OCA2: variants seen among roughly 807,000 people sequenced by gnomAD.
OCA2 encodes P protein.
A neutral mutation model predicts 100.2 loss-of-function variants in OCA2; 77 were observed. The observed-to-expected ratio is 0.77, with a 90% CI of 0.64 to 0.93. OCA2 has a LOEUF of 0.93. Ranked by LOEUF, OCA2 falls within the 40% of genes least tolerant of loss-of-function variation. The pLI, the probability that OCA2 is intolerant of heterozygous loss-of-function variation, is 0.00. For missense variants in OCA2, 1,062 were observed against 1,089.1 expected (o/e 0.98, Z 0.35); for synonymous variants, 432 against 439.2 (o/e 0.98, Z 0.21).
chr15:27,767,116 T>C (rs1025004947), intron 23 of OCA2, among the ~76,000 whole-genome samples: 3 of 152,176 alleles, frequency 2.0e-5, no homozygotes, highest in African/African-American at 2.4e-5. Flanking sequence ...TTGGGCCCTG[T>C]ACTTTTAACC....
intron 11 of OCA2, among the ~76,000 whole-genome samples, chr15:27,987,139 T>C (rs1174779709): frequency 2.0e-5 from 3 of 152,138 alleles, no homozygotes; most frequent in Admixed American, 2.0e-4. Context: ...TTGTCACCAA[T>C]TTGAGAGTTT....
chr15:27,851,489 G>T lies in OCA2; in HGVS notation c.2245-14C>A. ...GAGCACGGGAATCTGTGGAGGAAGA[G>T]GACATTGATGCCACGTCCCATGGAC... On this transcript the variant is annotated splice_polypyrimidine_tract_variant and intron_variant, in intron 21 of 23. Coordinates refer to ENST00000354638, the MANE Select transcript of OCA2 (RefSeq NM_000275.3). 1 of 1,605,244 alleles carries T rather than the reference G, an allele frequency of 6.2e-7. No individual in the cohort carries two copies. Among genetic ancestry groups the T allele is most frequent in the Non-Finnish European group, 8.5e-7 (1 of 1,173,650 alleles).
chr15:27,824,418 G>T (rs2034621170), intron 23 of OCA2, among the ~76,000 whole-genome samples: 1 of 151,572 alleles, frequency 6.6e-6, no homozygotes, highest in South Asian at 2.1e-4. Flanking sequence ...TGCAGCCTAT[G>T]ACATGATGCA....
At position 27,845,013 on chromosome 15, in the gene OCA2, C is replaced by T. The variant is rs1026811783; in HGVS notation, c.2378G>A (p.Cys793Tyr). 7 of 1,613,932 alleles carry T rather than the reference C, an allele frequency of 4.3e-6. No homozygotes were observed. The African/African-American group carries it at 9.3e-5, about 22-fold the overall frequency. The change falls in exon 23 of 24, where the codon TGT becomes TAT. Residue 793 changes from cysteine (C) to tyrosine (Y), a missense_variant. Transcript: ENST00000354638. Reference protein sequence around the residue: ...TLIGASANVVCAGIAEQHGYG... With the variant: ...TLIGASANVVYAGIAEQHGYG... ...TCCATGCTGTTCTGCAATCCCTGCA[C>T]ACACGACGTTTGCCGACGCGCCAAT...
At chr15:27,752,652 G>A (rs1409663262), downstream of OCA2, among the ~76,000 whole-genome samples, 2 of 152,112 alleles carry the variant, frequency 1.3e-5, no homozygotes, top group Non-Finnish European at 2.9e-5. Flanking sequence ...GCCACAGGAA[G>A]AAAGGCATAA....
intron 19 of OCA2, among the ~76,000 whole-genome samples, chr15:27,888,765 T>G (rs1256680243): frequency 6.6e-6 from 1 of 152,240 alleles, no homozygotes; most frequent in Non-Finnish European, 1.5e-5. Context: ...TGTATACATA[T>G]ATATATTTAC....
At chr15:27,838,998 G>A (rs1436218652) in intron 23 of OCA2, among the ~76,000 whole-genome samples, 6 of 151,882 alleles carry the variant, frequency 4.0e-5, no homozygotes, top group Non-Finnish European at 8.8e-5. Flanking sequence ...AATGGGGGGT[G>A]GAGGAAAAAA....
intron 19 of OCA2, among the ~76,000 whole-genome samples, chr15:27,920,620 AAT>A (rs2038823173): frequency 1.3e-5 from 2 of 152,278 alleles, no homozygotes; most frequent in African/African-American, 4.8e-5. Context: ...CAGAATTTTA[AAT>A]ATGTTTAGAG....
At chr15:27,847,100 C>T (rs1242001896) in intron 22 of OCA2, among the ~76,000 whole-genome samples, 1 of 152,220 alleles carries the variant, frequency 6.6e-6, no homozygotes, top group African/African-American at 2.4e-5. Flanking sequence ...TCTCAGCCAT[C>T]CCCTTGCAGA....
chr15:28,027,906 G>A lies in OCA2; in HGVS notation c.480C>T (p.Asp160=). 6.2e-7 allele frequency: 1 copy of A among 1,613,804 alleles called. No homozygotes were observed. Among genetic ancestry groups the A allele is most frequent in the Non-Finnish European group, 8.5e-7 (1 of 1,180,026 alleles). ...SASSEKGDLL[D]SPHIRLRLSK... The stretch of plus-strand genomic sequence containing the variant: ...AAAGACGGAGTCGGATGTGCGGGCT[G>A]TCCAGAAGGTCTCCCTTCTCGGAGG... The change falls in exon 4 of 24, where the codon GAC becomes GAT. Residue 160 remains aspartate (D), a synonymous_variant. Transcript: ENST00000354638.
intron 1 of OCA2, among the ~76,000 whole-genome samples, chr15:28,097,254 C>T (rs996408444): frequency 6.6e-6 from 1 of 152,186 alleles, no homozygotes; most frequent in Non-Finnish European, 1.5e-5. Flanking sequence ...CTGCGCGGGT[C>T]CCGCGGGTGG....
chr15:28,024,586 C>T (rs773589902), intron 5 of OCA2, among the ~76,000 whole-genome samples: 1 of 152,214 alleles, frequency 6.6e-6, no homozygotes, highest in African/African-American at 2.4e-5. Flanking sequence ...GCCAGCTACC[C>T]GACCTTCCAT....
At chr15:28,034,360 T>G (rs1391604238) in intron 2 of OCA2, among the ~76,000 whole-genome samples, 1 of 152,200 alleles carries the variant, frequency 6.6e-6, no homozygotes, top group Non-Finnish European at 1.5e-5. Flanking sequence ...AAAGATAGAT[T>G]GTGGATATTG....
chr15:28,024,591 T>C (rs1421772939), intron 5 of OCA2, among the ~76,000 whole-genome samples: 3 of 152,190 alleles, frequency 2.0e-5, no homozygotes, highest in African/African-American at 7.2e-5. Context: ...CTACCCGACC[T>C]TCCATATGGC....
the OCA2 span, among the ~76,000 whole-genome samples, chr15:27,722,688 C>G: frequency 2.1e-5 from 3 of 139,732 alleles, no homozygotes; most frequent in Non-Finnish European, 4.6e-5. Context: ...TTCTTTCTTT[C>G]TCTCTCTTTC....
intron 9 of OCA2, among the ~76,000 whole-genome samples, chr15:27,991,836 C>T (rs994534667): frequency 6.6e-6 from 1 of 152,174 alleles, no homozygotes; most frequent in Admixed American, 6.5e-5. Context: ...CATTTTTTCA[C>T]AGCTTCCATC....
At chr15:27,811,947 G>A (rs914959505) in intron 23 of OCA2, among the ~76,000 whole-genome samples, 3 of 152,160 alleles carry the variant, frequency 2.0e-5, no homozygotes, top group Admixed American at 6.5e-5. Context: ...TGGCTCAAGG[G>A]CTTAATGGTG....
At chr15:28,030,695 G>C (rs1169479106) in intron 3 of OCA2, among the ~76,000 whole-genome samples, 1 of 152,200 alleles carries the variant, frequency 6.6e-6, no homozygotes, top group Admixed American at 6.5e-5. Flanking sequence ...CGGAAGCTCA[G>C]AGGTGAGTGA....
At chr15:28,007,398 G>T (rs965457668) in intron 9 of OCA2, among the ~76,000 whole-genome samples, 5 of 152,230 alleles carry the variant, frequency 3.3e-5, no homozygotes, top group African/African-American at 9.6e-5. Context: ...TAGGAGGATT[G>T]CTCCAACTGT....
Sources: allele counts gnomAD v4.1 joint callset (sites outside exome capture counted in the v4.1 genomes callset), GRCh38; gene constraint gnomAD v4.1.1; transcripts MANE v1.5; gene names NCBI Gene and HGNC (gene_info 2026-07-23, HGNC 2026-07-21).